Variants in CERS2 observed in about 807,000 individuals in gnomAD.
CERS2 encodes the protein LAG1 homolog, ceramide synthase 2.
A neutral mutation model predicts 56.6 loss-of-function variants in CERS2; 20 were observed. The observed-to-expected ratio is 0.35, with a 90% CI of 0.25 to 0.51. The LOEUF is 0.51. CERS2 is among the 20% of genes least tolerant of loss of function. The probability of loss-of-function intolerance (pLI) is 0.96; values close to 1 mark genes in which losing one functional copy is unlikely to be tolerated. For synonymous variants in CERS2, 187 were observed against 175.4 expected (o/e 1.07, Z -0.52); for missense variants, 361 against 488.6 (o/e 0.74, Z 2.46).
intron 1 of CERS2, among the ~76,000 whole-genome samples, chr1:150,969,615 G>A (rs966270815): frequency 2.0e-5 from 3 of 151,404 alleles, no homozygotes; most frequent in Admixed American, 6.6e-5. Flanking sequence ...ACCTGCAGAC[G>A]TGATTCCCTG....
intron 10 of CERS2, 87 bp downstream of exon 10, chr1:150,966,389 C>G (rs955569375): frequency 1.3e-6 from 2 of 1,599,732 alleles, no homozygotes; most frequent in Admixed American, 1.7e-5. Flanking sequence ...GGGCTCCACA[C>G]TAGTTTTTTA....
At position 150,969,067 on chromosome 1, in the gene CERS2, G is replaced by A. The variant is rs1227218629; in HGVS notation, c.24C>T (p.Tyr8=). 6.2e-7 allele frequency: 1 copy of A among 1,614,054 alleles called. No individual in the cohort carries two copies. The highest frequency in any genetic ancestry group is 8.5e-7 in the Non-Finnish European group (1 of 1,180,034). MLQTLYD[Y]FWWERLWLPV... Reference sequence around the variant, plus strand: ...GCAGCCACAGACGTTCCCACCAGAAGTAATCATACAAGGTCTGGAGCATCC... The same window carrying A: ...GCAGCCACAGACGTTCCCACCAGAAATAATCATACAAGGTCTGGAGCATCC... Residue 8 remains tyrosine (Y), a synonymous_variant, in exon 2 of 11, where the codon TAC becomes TAT. Transcript: ENST00000368954.
chr1:150,969,693 TG>T (rs1671129377), intron 1 of CERS2, among the ~76,000 whole-genome samples: 1 of 147,334 alleles, frequency 6.8e-6, no homozygotes, highest in Admixed American at 6.6e-5. Context: ...TTGGGGGTCT[TG>T]TCATTTTGCT....
chr1:150,970,257 G>C (rs1004424670), intron 1 of CERS2, among the ~76,000 whole-genome samples: 8 of 138,240 alleles, frequency 5.8e-5, no homozygotes, highest in Non-Finnish European at 1.2e-4. Context: ...AAAAAGCCAA[G>C]GTAAAGCAAA....
chr1:150,967,418 T>C lies in CERS2; in HGVS notation c.586A>G (p.Ser196Gly). ...ELSFYWSLLF[S>G]IASDVKRKDF... ...TTTCGCTTGACATCAGAGGCAATGC[T>C]GAAGAGCAGGGACCAGTAGAAGGAA... Residue 196 changes from serine to glycine, a missense_variant, in exon 7 of 11, where the codon AGC (serine) becomes GGC (glycine). Transcript: ENST00000368954. The C allele has an allele frequency of 6.2e-7, 1 of 1,603,244 alleles. No individual in the cohort carries two copies. Among genetic ancestry groups the C allele is most frequent in the Non-Finnish European group, 8.5e-7 (1 of 1,170,146 alleles).
chr1:150,973,633 AC>A (rs1671238104), intron 1 of CERS2, among the ~76,000 whole-genome samples: 1 of 152,108 alleles, frequency 6.6e-6, no homozygotes, highest in South Asian at 2.1e-4. Context: ...AGCCACTCAC[AC>A]CCCGGTGCGG....
At chr1:150,971,256 C>G (rs1012793044) in intron 1 of CERS2, among the ~76,000 whole-genome samples, 1 of 152,150 alleles carries the variant, frequency 6.6e-6, no homozygotes, top group Non-Finnish European at 1.5e-5. Context: ...AATTGTTATC[C>G]ACAGTGACCT....
intron 1 of CERS2, among the ~76,000 whole-genome samples, chr1:150,970,622 A>G (rs1671155435): frequency 6.6e-6 from 1 of 152,072 alleles, no homozygotes; most frequent in Admixed American, 6.6e-5. Context: ...CAGCCTCCCG[A>G]GTGCCTGGGG....
intron 1 of CERS2, among the ~76,000 whole-genome samples, chr1:150,973,703 T>C (rs979248500): frequency 6.6e-6 from 1 of 152,172 alleles, no homozygotes; most frequent in Non-Finnish European, 1.5e-5. Flanking sequence ...AGCACAGATA[T>C]GGGGGTGACT....
At position 150,965,929 on chromosome 1, in the gene CERS2, C is replaced by A; in HGVS notation, c.*219G>T. ...CGGGTAGGGAGGAAAATACGACCGT[C>A]CCCCTCTAACAGAATATAACCAACG... On this transcript the variant is annotated 3_prime_UTR_variant, in exon 11 of 11. Transcript: ENST00000368954. 2 of 475,110 alleles carry A rather than the reference C, an allele frequency of 4.2e-6. No individual in the cohort carries two copies. Among genetic ancestry groups the A allele is most frequent in the Non-Finnish European group, 7.3e-6 (2 of 273,584 alleles). 29.4% of individuals were successfully genotyped at this position (475,110 alleles called of 1,614,324 possible).
chr1:150,967,060 T>C lies in CERS2; in HGVS notation c.741+14A>G. ...GAACCTGCACCAGGGTCTCTAGATT[T>C]GAGGAAGCCTGACCTCCAGCAGGTA... On this transcript the variant is annotated intron_variant, in intron 8 of 10. Coordinates refer to ENST00000368954, the MANE Select transcript of CERS2 (RefSeq NM_022075.5). The C allele has an allele frequency of 6.2e-7, 1 of 1,613,854 alleles. No homozygotes were observed. Among genetic ancestry groups the C allele is most frequent in the East Asian group, 2.2e-5 (1 of 44,876 alleles).
At chr1:150,970,377 G>A (rs587753520) in intron 1 of CERS2, among the ~76,000 whole-genome samples, 1 of 152,260 alleles carries the variant, frequency 6.6e-6, no homozygotes, top group South Asian at 2.1e-4. Context: ...AAGGCAGAAG[G>A]ACCCTATGTA....
chr1:150,973,807 A>C (rs1671242760), intron 1 of CERS2: 1 of 152,300 alleles, frequency 6.6e-6, no homozygotes, highest in Non-Finnish European at 1.5e-5. Context: ...TGGGCCTGGC[A>C]ACTCAGGTGA....
chr1:150,974,305 C>T (rs1467723978), intron 1 of CERS2: 1 of 151,800 alleles, frequency 6.6e-6, no homozygotes, highest in East Asian at 1.9e-4. Flanking sequence ...CGCGTCCCCA[C>T]CTTCCGCCCT....
chr1:150,969,211 C>G, intron 1 of CERS2, 120 bp from the exon 2 acceptor site: 1 of 798,498 alleles, frequency 1.3e-6, no homozygotes, highest in Non-Finnish European at 2.0e-6. Flanking sequence ...AACTCTAGAT[C>G]CCTATCCTGG....
In CERS2 at chr1:150,966,076, A is replaced by AC; in HGVS notation, c.*71dup. On this transcript the variant is annotated 3_prime_UTR_variant, in exon 11 of 11. Transcript: ENST00000368954. The stretch of plus-strand genomic sequence containing the variant: ...TCCTTTTTCCCCAGAGCTTAAAGTG[A>AC]CCCTATAGCGCAGGGAGCGGGGTAG... The AC allele has an allele frequency of 7.0e-7, 1 of 1,419,302 alleles. No individual in the cohort carries two copies. The highest frequency in any genetic ancestry group is 9.6e-7 in the Non-Finnish European group (1 of 1,044,884). The allele number at this position is 1,419,302 out of a possible 1,614,324, so 87.9% of individuals were successfully genotyped here. A position where few individuals can be genotyped will look rare whatever the true frequency, so the allele number is the denominator to read the frequency against.
chr1:150,974,195 G>A (rs1257086358), intron 1 of CERS2: 1 of 152,254 alleles, frequency 6.6e-6, no homozygotes, highest in Non-Finnish European at 1.5e-5. Context: ...CAACCCCGCG[G>A]GCCGCTGCCA....
chr1:150,968,944 G>GA lies in CERS2; in HGVS notation c.146dup (p.Leu50ProfsTer8). The GA allele has an allele frequency of 6.2e-7, 1 of 1,613,792 alleles. No homozygotes were observed. The highest frequency in any genetic ancestry group is 8.5e-7 in the Non-Finnish European group (1 of 1,179,986). On this transcript the variant is annotated frameshift_variant, in exon 2 of 11. Coordinates refer to ENST00000368954, the MANE Select transcript of CERS2 (RefSeq NM_022075.5). LOFTEE classifies it high-confidence loss of function. ...GCTCAAAGAAGTATCGAACGATGAG[G>GA]AAGAGCAAGGCCAGGGGCAGCGTGA... is the stretch of plus-strand genomic sequence containing the variant.
Position 150,966,485 on chromosome 1 carries a change from T to C in CERS2, c.993A>G (p.Ile331Met), listed in dbSNP as rs1199759420. The C allele has an allele frequency of 6.2e-7, 1 of 1,614,122 alleles. No individual in the cohort carries two copies. Among genetic ancestry groups the C allele is most frequent in the South Asian group, 1.1e-5 (1 of 91,084 alleles). ...GGGAACAGGGCTTCACCTTTCCAGT[T>C]ATGAACTTGTGGGCCATGCGCAAAA... The part of the protein sequence containing the change: ...YLILRMAHKF[I>M]TGKLVEDERS... The change falls in exon 10 of 11, where the codon ATA becomes ATG. Residue 331 changes from isoleucine to methionine, a missense_variant. This residue lies in a region of CERS2 where 122 missense variants were observed against 151.9 expected (regional missense o/e 0.80). Transcript: ENST00000368954.
Sources: allele counts gnomAD v4.1 joint callset (sites outside exome capture counted in the v4.1 genomes callset), GRCh38; gene constraint gnomAD v4.1.1; regional missense constraint gnomAD v4.1.1; transcripts MANE v1.5; gene names NCBI Gene and HGNC (gene_info 2026-07-23, HGNC 2026-07-21).